Variants in WASF3 observed in about 807,000 individuals in gnomAD.
WASF3 encodes the protein WASP family member 3.
WASF3 carries 11 observed loss-of-function variants against 46.6 expected under a neutral mutation model. That is an observed-to-expected ratio of 0.24 (90% CI 0.15 to 0.39). WASF3 has a LOEUF of 0.39. WASF3 is among the 10% of genes least tolerant of loss of function. The pLI, the probability that WASF3 is intolerant of heterozygous loss-of-function variation, is 1.00. For synonymous variants in WASF3, 242 were observed against 259.7 expected (o/e 0.93, Z 0.65); for missense variants, 576 against 669.8 (o/e 0.86, Z 1.55).
chr13:26,663,805 T>C (rs2137462651), intron 3 of WASF3, among the ~76,000 whole-genome samples: 1 of 152,328 alleles, frequency 6.6e-6, no homozygotes, highest in South Asian at 2.1e-4. Context: ...TTCATGAAGA[T>C]TGCAGCCAAG....
intron 4 of WASF3, among the ~76,000 whole-genome samples, chr13:26,666,889 AAGAG>A (rs1566068644): frequency 6.6e-6 from 1 of 151,000 alleles, no homozygotes; most frequent in East Asian, 1.9e-4. Context: ...AAAAAAAAAA[AAGAG>A]GTGAGTTAAT....
chr13:26,605,063 A>T (rs530300089), intron 1 of WASF3, among the ~76,000 whole-genome samples: 81 of 151,928 alleles, frequency 5.3e-4, no homozygotes, highest in African/African-American at 1.9e-3. Context: ...CAGTGCTTCC[A>T]CCCTCAGGAC....
At chr13:26,631,105 G>A (rs1379441968) in intron 2 of WASF3, among the ~76,000 whole-genome samples, 1 of 152,134 alleles carries the variant, frequency 6.6e-6, no homozygotes, top group Non-Finnish European at 1.5e-5. Context: ...TCTGTAGGTT[G>A]CCTCTTCACT....
intron 1 of WASF3, among the ~76,000 whole-genome samples, chr13:26,575,575 G>A (rs906959167): frequency 7.9e-5 from 12 of 152,190 alleles, no homozygotes; most frequent in Non-Finnish European, 1.8e-4. Flanking sequence ...ATGAACCTGG[G>A]TTGAGAAAGG....
At chr13:26,673,977 T>C (rs1882991843) in intron 6 of WASF3, among the ~76,000 whole-genome samples, 1 of 151,704 alleles carries the variant, frequency 6.6e-6, no homozygotes, top group African/African-American at 2.4e-5. Context: ...TGGAGAGGTG[T>C]GGGGGGCAGA....
At chr13:26,561,928 A>G (rs1879307837) in intron 1 of WASF3, among the ~76,000 whole-genome samples, 1 of 152,196 alleles carries the variant, frequency 6.6e-6, no homozygotes, top group African/African-American at 2.4e-5. Context: ...TGTATTAGTA[A>G]ATACTTGTGG....
rs953303820 is a variant in WASF3 at position 26,688,075 on chromosome 13, C to T, written c.*2230C>T. ...ATTTTCAACTCAATTTTATGACTTGCGAAAAAGCTTTTGCCCTGTTGTGTA... is the reference window on the plus strand; with the variant it reads ...ATTTTCAACTCAATTTTATGACTTGTGAAAAAGCTTTTGCCCTGTTGTGTA... On this transcript the variant is annotated 3_prime_UTR_variant, in exon 10 of 10. Transcript: ENST00000335327. The T allele has an allele frequency of 6.6e-6, 1 of 152,160 alleles. No individual in the cohort carries two copies. The allele number at this position is 152,160 out of a possible 1,614,324, so 9.4% of individuals were successfully genotyped here.
chr13:26,626,644 T>C (rs892695637), intron 2 of WASF3, among the ~76,000 whole-genome samples: 3 of 152,174 alleles, frequency 2.0e-5, no homozygotes, highest in African/African-American at 7.2e-5. Flanking sequence ...AAATAAATTC[T>C]CTTTAAATAC....
chr13:26,684,148 C>T lies in WASF3; in HGVS notation c.1351+1174C>T, dbSNP rs757802146. Among the ~76,000 whole-genome samples, 5 of 152,292 alleles carry T rather than the reference C, an allele frequency of 3.3e-5. No individual in the cohort carries two copies. The South Asian group carries it at 6.2e-4, about 19-fold the overall frequency. ...TGGCCCACGCACCCTTCTAAAGACC[C>T]CAGGGTCCTCTGTGTACCTGGACAT... On this transcript the variant is annotated intron_variant, in intron 9 of 9. Transcript: ENST00000335327.
chr13:26,630,135 G>A (rs1328315420), intron 2 of WASF3, among the ~76,000 whole-genome samples: 1 of 151,970 alleles, frequency 6.6e-6, no homozygotes, highest in East Asian at 1.9e-4. Flanking sequence ...TGGCTCTCAG[G>A]CATGATGAGT....
chr13:26,550,858 G>A, the WASF3 span, among the ~76,000 whole-genome samples: 965 of 152,252 alleles, frequency 6.3e-3, 14 homozygotes, highest in African/African-American at 0.022. Context: ...GCCTGCATGG[G>A]CCAATGTGCC....
rs1346301004 is a variant in WASF3, at chr13:26,687,271, G to C, written c.*1426G>C. 1 of 152,234 alleles carries C rather than the reference G, an allele frequency of 6.6e-6. No homozygotes were observed. The highest frequency in any genetic ancestry group is 2.4e-5 in the African/African-American group (1 of 41,450). The allele number at this position is 152,234 out of a possible 1,614,324, so 9.4% of individuals were successfully genotyped here. A position where few individuals can be genotyped will look rare whatever the true frequency, so the allele number is the denominator to read the frequency against. On this transcript the variant is annotated 3_prime_UTR_variant, in exon 10 of 10. Transcript: ENST00000335327. ...ATTAAGGACTTTAACCTACTCAACA[G>C]TATTTCATATCCATTGTGGTTAGTT...
intron 1 of WASF3, among the ~76,000 whole-genome samples, chr13:26,608,912 A>G (rs1421063956): frequency 2.0e-5 from 3 of 152,186 alleles, no homozygotes; most frequent in Non-Finnish European, 4.4e-5. Flanking sequence ...AACATTGATG[A>G]TGTGATCTCA....
chr13:26,542,381 T>C, the WASF3 span, among the ~76,000 whole-genome samples: 1 of 152,238 alleles, frequency 6.6e-6, no homozygotes, highest in Non-Finnish European at 1.5e-5. Context: ...TCTTGGCCAA[T>C]TTTAATGCAA....
intron 1 of WASF3, among the ~76,000 whole-genome samples, chr13:26,591,501 T>C (rs1162443976): frequency 6.6e-6 from 1 of 151,600 alleles, no homozygotes; most frequent in Non-Finnish European, 1.5e-5. Context: ...GGGAGGGAAA[T>C]TAAGGATGCC....
intron 2 of WASF3, chr13:26,620,489 A>G (rs1277887643): frequency 6.6e-6 from 1 of 152,214 alleles, no homozygotes; most frequent in African/African-American, 2.4e-5. Context: ...AACACAGAGC[A>G]TAAAGATTAA....
chr13:26,550,174 C>A, the WASF3 span, among the ~76,000 whole-genome samples: 2 of 152,150 alleles, frequency 1.3e-5, no homozygotes, highest in African/African-American at 4.8e-5. Context: ...GATGAACAAA[C>A]TGGGGGAGGG....
intron 3 of WASF3, among the ~76,000 whole-genome samples, chr13:26,656,228 T>G (rs776712693): frequency 3.9e-5 from 6 of 152,214 alleles, no homozygotes; most frequent in Non-Finnish European, 8.8e-5. Flanking sequence ...GTGATTTTCT[T>G]TATACTTTGT....
intron 1 of WASF3, among the ~76,000 whole-genome samples, chr13:26,558,149 C>T (rs1196533433): frequency 4.6e-5 from 7 of 151,842 alleles, no homozygotes. Context: ...TCGGGACAGC[C>T]ACCCGCCCTC....
Sources: gnomAD v4.1 joint callset for allele counts (sites outside exome capture counted in the v4.1 genomes callset) on GRCh38, gnomAD v4.1.1 for gene constraint, MANE v1.5 for transcripts, NCBI Gene and HGNC (gene_info 2026-07-23, HGNC 2026-07-21) for gene names.